The following MID1 variants were observed in gnomAD, a reference collection of about 807,000 sequenced individuals.
MID1 encodes the protein E3 ubiquitin-protein ligase Midline-1.
A neutral mutation model predicts 40.4 loss-of-function variants in MID1; 7 were observed. The observed-to-expected ratio is 0.17, with a 90% CI of 0.10 to 0.33. The LOEUF (loss-of-function observed/expected upper bound fraction) is 0.33. Among genes scored for constraint, MID1 ranks in the 10% least tolerant of loss-of-function variants. The probability of loss-of-function intolerance (pLI) is 1.00; values close to 1 mark genes in which losing one functional copy is unlikely to be tolerated. For synonymous variants in MID1, 229 were observed against 221.2 expected, an observed-to-expected ratio of 1.04 and a Z score of -0.31; for missense variants, 367 against 558.5, an observed-to-expected ratio of 0.66 and a Z score of 3.46.
At chrX:10,753,457 G>A (rs2043611936) in intron 1 of MID1, among the ~76,000 whole-genome samples, 1 of 110,303 alleles carries the variant, frequency 9.1e-6, no homozygotes, top group East Asian at 2.8e-4. Context: ...TTAAATATAT[G>A]CCCTGAGGAA....
chrX:10,760,794 T>C (rs2043672873), intron 1 of MID1, among the ~76,000 whole-genome samples: 1 of 111,566 alleles, frequency 9.0e-6, no homozygotes, highest in East Asian at 2.8e-4. Flanking sequence ...GTCACTGCAC[T>C]CTAGCCTGAA....
intron 1 of MID1, among the ~76,000 whole-genome samples, chrX:10,778,979 G>A (rs1463787827): frequency 1.8e-5 from 2 of 112,925 alleles, no homozygotes; most frequent in Non-Finnish European, 3.7e-5. Flanking sequence ...CAAACCAAAC[G>A]AGAGTAAAAC....
intron 1 of MID1, among the ~76,000 whole-genome samples, chrX:10,717,746 T>G (rs967947390): frequency 9.0e-6 from 1 of 110,905 alleles, no homozygotes; most frequent in African/African-American, 3.3e-5. Context: ...AATATACATT[T>G]TTTTTGGCAC....
At position 10,446,514 on chromosome X, in the gene MID1, C is replaced by G. The variant is rs1345554478; in HGVS notation, c.*2854G>C. The stretch of plus-strand genomic sequence containing the variant: ...CTTTTAAAGCTGGAAAGAATCTTCA[C>G]CCAGGCCCACCCTCATCTTAATCCA... On this transcript the variant is annotated 3_prime_UTR_variant, in exon 10 of 10. Transcript: ENST00000317552. 1 of 111,992 alleles carries G rather than the reference C, an allele frequency of 8.9e-6. No homozygotes were observed. Among genetic ancestry groups the G allele is most frequent in the Non-Finnish European group, 1.9e-5 (1 of 53,248 alleles). The allele number at this position is 111,992 out of a possible 1,213,427, so 9.2% of individuals were successfully genotyped here.
At chrX:10,751,197 G>A (rs772045848) in intron 1 of MID1, among the ~76,000 whole-genome samples, 56 of 109,681 alleles carry the variant, frequency 5.1e-4, no homozygotes, top group Middle Eastern at 9.4e-3. Context: ...CCCAGGAGGC[G>A]GAGATTGCAG....
chrX:10,495,824 C>T (rs1008025660), intron 3 of MID1, 133 bp from the exon 4 acceptor site: 19 of 516,768 alleles, frequency 3.7e-5, no homozygotes, highest in East Asian at 7.5e-5. Context: ...TGTCCGATTA[C>T]GCAAGGATTG....
intron 1 of MID1, among the ~76,000 whole-genome samples, chrX:10,654,995 C>T (rs765089626): frequency 3.6e-5 from 4 of 112,076 alleles, no homozygotes; most frequent in East Asian, 2.8e-4. Flanking sequence ...GATATAAAAA[C>T]GATAGACAAG....
At chrX:10,521,849 T>C (rs1353669021) in intron 3 of MID1, among the ~76,000 whole-genome samples, 2 of 112,055 alleles carry the variant, frequency 1.8e-5, no homozygotes, top group African/African-American at 3.2e-5. Flanking sequence ...TCTTTGTTTT[T>C]TCTTTTTTGA....
At chrX:10,800,001 A>T (rs1401658555) in intron 1 of MID1, among the ~76,000 whole-genome samples, 2 of 109,637 alleles carry the variant, frequency 1.8e-5, no homozygotes, top group Non-Finnish European at 3.8e-5. Context: ...CCTTCAGACC[A>T]CTATAAATGC....
At chrX:10,501,419 TAG>T in intron 3 of MID1, 1 of 1,155,313 alleles carries the variant, frequency 8.7e-7, no homozygotes, top group Non-Finnish European at 1.1e-6. Context: ...TCTCTACATC[TAG>T]AGTCAGTTTT....
At chrX:10,634,062 A>G (rs1415341081) in intron 1 of MID1, among the ~76,000 whole-genome samples, 4 of 111,461 alleles carry the variant, frequency 3.6e-5, no homozygotes, top group Non-Finnish European at 7.5e-5. Flanking sequence ...TGACCTCACA[A>G]TAGAAGGATT....
chrX:10,600,396 C>T (rs779448926), intron 1 of MID1, among the ~76,000 whole-genome samples: 8 of 111,298 alleles, frequency 7.2e-5, no homozygotes, highest in Admixed American at 3.8e-4. Context: ...ACATTTATAA[C>T]TTTAATTTTT....
rs371122773 is a variant in MID1, at chrX:10,697,871, C to T, written c.-186-77452G>A. On this transcript the variant is annotated intron_variant, in intron 1 of 10. Transcript: ENST00000380785. ...TCTACCCACCAGATGCCAGCAGCATCCCCCACATCTCAGTTGTGACAATCA... is the reference window on the plus strand; with the variant it reads ...TCTACCCACCAGATGCCAGCAGCATTCCCCACATCTCAGTTGTGACAATCA... Among the ~76,000 whole-genome samples the T allele has an allele frequency of 6.5e-4, 73 of 111,882 alleles. No individual in the cohort carries two copies. The South Asian group carries it at 0.026, about 39-fold the overall frequency.
chrX:10,707,293 G>T (rs751871088), intron 1 of MID1, among the ~76,000 whole-genome samples: 1 of 111,321 alleles, frequency 9.0e-6, no homozygotes, highest in Non-Finnish European at 1.9e-5. Context: ...CCTTCACCGC[G>T]GAAGGGGAAG....
intron 1 of MID1, among the ~76,000 whole-genome samples, chrX:10,660,252 A>C (rs1014117802): frequency 1.8e-5 from 2 of 112,743 alleles, no homozygotes; most frequent in Non-Finnish European, 3.7e-5. Flanking sequence ...TTTCTGTTTC[A>C]GGGACACCAC....
intron 9 of MID1, among the ~76,000 whole-genome samples, chrX:10,452,756 A>G (rs1164292089): frequency 9.0e-6 from 1 of 111,564 alleles, no homozygotes; most frequent in Non-Finnish European, 1.9e-5. Flanking sequence ...TAATTTTAGA[A>G]TTTCTTTTCC....
At chrX:10,551,102 A>C (rs1436296898) in intron 2 of MID1, among the ~76,000 whole-genome samples, 1 of 112,302 alleles carries the variant, frequency 8.9e-6, no homozygotes, top group Non-Finnish European at 1.9e-5. Context: ...CATATACTTT[A>C]TCTCTAGATT....
intron 2 of MID1, among the ~76,000 whole-genome samples, chrX:10,534,467 A>G (rs1306404618): frequency 1.8e-5 from 2 of 112,544 alleles, no homozygotes; most frequent in African/African-American, 3.2e-5. Context: ...ACATATTTGA[A>G]GCTAAAATAG....
At chrX:10,780,856 C>A (rs899852101) in intron 1 of MID1, among the ~76,000 whole-genome samples, 1 of 111,571 alleles carries the variant, frequency 9.0e-6, no homozygotes, top group Non-Finnish European at 1.9e-5. Context: ...TAGTTAGATT[C>A]TCATAAGGAG....
Sources: allele counts gnomAD v4.1 joint callset (sites outside exome capture counted in the v4.1 genomes callset), GRCh38; gene constraint gnomAD v4.1.1; transcripts MANE v1.5; gene names NCBI Gene and HGNC (gene_info 2026-07-23, HGNC 2026-07-21).